The following LRRC39 variants were observed in gnomAD, a reference collection of about 807,000 sequenced individuals.
LRRC39 encodes the protein leucine rich repeat containing 39, also known as leucine-rich repeat-containing protein 39.
A neutral mutation model predicts 39.7 loss-of-function variants in LRRC39; 35 were observed. The ratio of observed to expected loss-of-function variants is 0.88; its 90% CI spans 0.67 to 1.17. LRRC39 has a LOEUF of 1.17. LRRC39 is among the 50% of genes most tolerant of loss of function. LRRC39 has a pLI of 0.00. For synonymous variants in LRRC39, 113 were observed against 134.1 expected (o/e 0.84, Z 1.09); for missense variants, 357 against 385.8 (o/e 0.93, Z 0.62).
In LRRC39 at chr1:100,150,910, C is replaced by CT. The variant is rs1383123960; in HGVS notation, c.952+1474dup. On this transcript the variant is annotated intron_variant, in intron 9 of 9. Coordinates refer to ENST00000370137, the MANE Select transcript of LRRC39 (RefSeq NM_144620.4). ...TGGGAGGCCAAGGCAGGTGAATCAC[C>CT]TGAGGTCAGGAGTTCGAGACCAGCC... is the stretch of plus-strand genomic sequence containing the variant. Among the ~76,000 whole-genome samples, 6 of 152,078 alleles carry CT rather than the reference C, an allele frequency of 3.9e-5. No individual in the cohort carries two copies. The East Asian group carries it at 9.7e-4, about 24-fold the overall frequency.
At chr1:100,172,585 G>A (rs1190805281) in intron 2 of LRRC39, among the ~76,000 whole-genome samples, 4 of 152,024 alleles carry the variant, frequency 2.6e-5, no homozygotes, top group African/African-American at 9.7e-5. Flanking sequence ...CACTTTGGGA[G>A]GCCGAGGTGG....
chr1:100,149,447 G>GA (rs1212060068), intron 9 of LRRC39: 2 of 1,532,942 alleles, frequency 1.3e-6, no homozygotes, highest in Admixed American at 2.1e-5. Context: ...TGTTTTCAAA[G>GA]AAAAAAGATT....
At chr1:100,157,158 G>T (rs1171895606) in intron 6 of LRRC39, among the ~76,000 whole-genome samples, 2 of 152,074 alleles carry the variant, frequency 1.3e-5, no homozygotes, top group Non-Finnish European at 2.9e-5. Context: ...GATATGGTTT[G>T]GCTGTGTCCC....
chr1:100,154,475 A>G (rs1464559702), intron 8 of LRRC39, among the ~76,000 whole-genome samples: 1 of 152,186 alleles, frequency 6.6e-6, no homozygotes, highest in Non-Finnish European at 1.5e-5. Context: ...GAAACATAAT[A>G]AAGAAAAGAC....
intron 3 of LRRC39, among the ~76,000 whole-genome samples, chr1:100,162,484 CA>C (rs1388589666): frequency 3.3e-5 from 5 of 151,848 alleles, no homozygotes; most frequent in Admixed American, 3.3e-4. Context: ...ACTAAACATA[CA>C]AAAATTAGCT....
chr1:100,176,622 A>C (rs936715391), intron 1 of LRRC39, among the ~76,000 whole-genome samples: 1 of 152,240 alleles, frequency 6.6e-6, no homozygotes, highest in African/African-American at 2.4e-5. Flanking sequence ...CAGTCCATAT[A>C]TAGAGCCAAC....
chr1:100,149,416 A>T (rs1030753877), intron 9 of LRRC39: 1 of 1,544,628 alleles, frequency 6.5e-7, no homozygotes, highest in Non-Finnish European at 8.7e-7. Flanking sequence ...TCTGTCCATG[A>T]CAAACACAAA....
chr1:100,156,421 TTTACTTG>T, intron 6 of LRRC39, 104 bp from the exon 7 acceptor site: 2 of 1,143,878 alleles, frequency 1.7e-6, no homozygotes, highest in Admixed American at 2.7e-5. Flanking sequence ...ATATTCACAT[TTTACTTG>T]GGCTTTATTT....
intron 7 of LRRC39, 46 bp from the exon 8 acceptor site, chr1:100,155,249 T>C (rs764746232): frequency 1.4e-6 from 2 of 1,467,514 alleles, no homozygotes; most frequent in Non-Finnish European, 1.8e-6. Context: ...AATATGAAAA[T>C]ATTGGTTTTG....
At chr1:100,166,847 T>C (rs1466020252) in intron 3 of LRRC39, among the ~76,000 whole-genome samples, 1 of 152,162 alleles carries the variant, frequency 6.6e-6, no homozygotes, top group Non-Finnish European at 1.5e-5. Flanking sequence ...TTTCACTTGG[T>C]TCTCATTCTC....
chr1:100,149,974 CAT>C (rs969267214), intron 9 of LRRC39: 3 of 152,558 alleles, frequency 2.0e-5, no homozygotes, highest in Non-Finnish European at 4.4e-5. Context: ...ACTTTAGTCT[CAT>C]ATATCTTGTC....
In LRRC39 at chr1:100,152,464, G is replaced by A. The variant is rs142353174; in HGVS notation, c.873C>T (p.Gly291=). ...ATTCCCGTTCCTCTTCTTCATCTGT[G>A]CCTTCACTGGGAGGAAGTGATACTT... The part of the protein sequence containing the change: ...KLKVSLPPSE[G]TDEEEERELF... The change falls in exon 9 of 10, where the codon GGC becomes GGT. Residue 291 remains glycine, a synonymous_variant. Transcript: ENST00000370137. 2.5e-4 allele frequency: 409 copies of A among 1,614,008 alleles called. 4 individuals are homozygous for A. The highest frequency in any genetic ancestry group is 1.2e-3 in the Middle Eastern group (7 of 6,060).
intron 5 of LRRC39, 69 bp from the exon 6 acceptor site, chr1:100,158,436 CA>C (rs1487923404): frequency 6.9e-7 from 1 of 1,444,040 alleles, no homozygotes. Context: ...TAAGGTATTA[CA>C]GCATAACTTT....
At chr1:100,154,702 C>G (rs979189159) in intron 8 of LRRC39, among the ~76,000 whole-genome samples, 12 of 152,086 alleles carry the variant, frequency 7.9e-5, no homozygotes, top group South Asian at 2.1e-4. Context: ...ACCAAGTTTT[C>G]AAAAGTTTGT....
intron 3 of LRRC39, among the ~76,000 whole-genome samples, 186 bp from the exon 4 acceptor site, chr1:100,160,757 C>G (rs553364578): frequency 9.2e-5 from 14 of 151,568 alleles, no homozygotes; most frequent in Non-Finnish European, 1.6e-4. Context: ...CCCGAGTAGC[C>G]AGGATTACAG....
chr1:100,149,378 A>G lies in LRRC39; in HGVS notation c.953-281T>C, dbSNP rs375549704. On this transcript the variant is annotated intron_variant, in intron 9 of 9. Coordinates refer to ENST00000370137, the MANE Select transcript of LRRC39 (RefSeq NM_144620.4). ...TTAATGAAGTCACCTTCAAATTTCC[A>G]GAGCCATACATGTATATATTGTCAG... 8.4e-6 allele frequency: 13 copies of G among 1,544,880 alleles called. No individual in the cohort carries two copies. In the African/African-American group the frequency reaches 1.2e-4, roughly 15 times the overall value.
At chr1:100,164,509 A>G (rs1411802808) in intron 3 of LRRC39, among the ~76,000 whole-genome samples, 1 of 152,176 alleles carries the variant, frequency 6.6e-6, no homozygotes, top group African/African-American at 2.4e-5. Flanking sequence ...GACAAGTTTG[A>G]GAAACACTGG....
intron 8 of LRRC39, among the ~76,000 whole-genome samples, chr1:100,153,872 C>T (rs1463206394): frequency 1.3e-5 from 2 of 152,132 alleles, no homozygotes; most frequent in African/African-American, 4.8e-5. Context: ...CCTCCAGCCT[C>T]AGCCTCCCAA....
intron 1 of LRRC39, among the ~76,000 whole-genome samples, chr1:100,175,563 A>G (rs1021382167): frequency 6.6e-6 from 1 of 152,156 alleles, no homozygotes; most frequent in Non-Finnish European, 1.5e-5. Flanking sequence ...TTAAGAACCT[A>G]TTGAAAGACA....
Sources: allele counts gnomAD v4.1 joint callset (sites outside exome capture counted in the v4.1 genomes callset), GRCh38; gene constraint gnomAD v4.1.1; transcripts MANE v1.5; gene names NCBI Gene and HGNC (gene_info 2026-07-23, HGNC 2026-07-21).